The following LACTB2 variants were observed in gnomAD, a reference collection of about 807,000 sequenced individuals.
LACTB2 encodes the protein endoribonuclease LACTB2.
A neutral mutation model predicts 34.8 loss-of-function variants in LACTB2; 32 were observed. The ratio of observed to expected loss-of-function variants is 0.92; its 90% CI spans 0.69 to 1.24. The LOEUF (loss-of-function observed/expected upper bound fraction) is 1.24. Ranked by LOEUF, LACTB2 falls within the 50% of genes most tolerant of loss-of-function variation. The probability of loss-of-function intolerance (pLI) is 0.00; values close to 1 mark genes in which losing one functional copy is unlikely to be tolerated. For synonymous variants in LACTB2, 120 were observed against 117.5 expected (o/e 1.02, Z -0.14); for missense variants, 320 against 345.0 (o/e 0.93, Z 0.57).
At chr8:70,663,456 CACAGTGTTGA>C (rs771689908) in intron 1 of LACTB2, among the ~76,000 whole-genome samples, 11 of 152,198 alleles carry the variant, frequency 7.2e-5, no homozygotes, top group Non-Finnish European at 1.3e-4. Context: ...CCTTCAGAAA[CACAGTGTTGA>C]ACTGTCCTAT....
chr8:70,651,456 G>A (rs1186360502), intron 3 of LACTB2, among the ~76,000 whole-genome samples: 1 of 152,094 alleles, frequency 6.6e-6, no homozygotes, highest in Non-Finnish European at 1.5e-5. Flanking sequence ...TCTTTGTGTG[G>A]CGATGTGTCA....
intron 1 of LACTB2, chr8:70,663,361 C>G (rs948126400): frequency 1.3e-5 from 2 of 152,250 alleles, no homozygotes; most frequent in African/African-American, 4.8e-5. Context: ...CAAAAACAAA[C>G]TGGCCTCTCA....
intron 4 of LACTB2, among the ~76,000 whole-genome samples, chr8:70,641,698 G>A (rs1214264695): frequency 6.6e-6 from 1 of 152,040 alleles, no homozygotes; most frequent in Non-Finnish European, 1.5e-5. Context: ...CTATGTATAG[G>A]CTTCTGTATG....
At chr8:70,652,894 T>C (rs557290194) in intron 3 of LACTB2, 1 of 25,866 alleles carries the variant, frequency 3.9e-5, no homozygotes, top group South Asian at 1.3e-3. Context: ...TGATTACCCA[T>C]GATTCTATGT....
chr8:70,666,022 T>C (rs572062586), intron 1 of LACTB2, among the ~76,000 whole-genome samples: 1 of 152,284 alleles, frequency 6.6e-6, no homozygotes, highest in South Asian at 2.1e-4. Flanking sequence ...TTGGCTTCCA[T>C]GGGCTGATCA....
intron 2 of LACTB2, among the ~76,000 whole-genome samples, chr8:70,658,851 C>T (rs1193916558): frequency 6.6e-6 from 1 of 152,036 alleles, no homozygotes; most frequent in African/African-American, 2.4e-5. Flanking sequence ...ATAGTGAAAC[C>T]CCATCTCTAC....
At chr8:70,659,686 G>C (rs960214883) in intron 2 of LACTB2, among the ~76,000 whole-genome samples, 4 of 152,150 alleles carry the variant, frequency 2.6e-5, no homozygotes, top group Admixed American at 6.5e-5. Context: ...TTCTGCTTAT[G>C]AGACCTTTAG....
At chr8:70,656,773 T>A (rs1349527189) in intron 3 of LACTB2, among the ~76,000 whole-genome samples, 1 of 152,212 alleles carries the variant, frequency 6.6e-6, no homozygotes, top group Non-Finnish European at 1.5e-5. Context: ...CTTTTGCCAG[T>A]ATGGTCATTT....
rs776028056 is a variant in LACTB2 at position 70,661,789 on chromosome 8, G to A, written c.231C>T (p.His77=). 6.2e-7 allele frequency: 1 copy of A among 1,613,686 alleles called. No homozygotes were observed. The highest frequency in any genetic ancestry group is 1.1e-5 in the South Asian group (1 of 91,032). The stretch of plus-strand genomic sequence containing the variant: ...TGCCTCCAGAATGATCTCGGTGCCA[G>A]TGAGTCACTACAATTTCCTGGATTG... The part of the protein sequence containing the change: ...NTAIQEIVVT[H]WHRDHSGGIG... The change falls in exon 2 of 7, where the codon CAC becomes CAT. Residue 77 remains histidine (H), a synonymous_variant. Coordinates refer to ENST00000276590, the MANE Select transcript of LACTB2 (RefSeq NM_016027.3).
intron 3 of LACTB2, among the ~76,000 whole-genome samples, chr8:70,644,681 T>C (rs1316303271): frequency 6.6e-6 from 1 of 152,118 alleles, no homozygotes; most frequent in Non-Finnish European, 1.5e-5. Flanking sequence ...GATCTCACAA[T>C]ATTGACCAGG....
chr8:70,655,253 C>G (rs571179692), intron 3 of LACTB2, among the ~76,000 whole-genome samples: 4 of 145,644 alleles, frequency 2.7e-5, no homozygotes, highest in East Asian at 2.0e-4. Context: ...GAGTTTCACT[C>G]TTGTTGCCCA....
At chr8:70,667,921 T>C (rs1189828667) in intron 1 of LACTB2, among the ~76,000 whole-genome samples, 1 of 152,184 alleles carries the variant, frequency 6.6e-6, no homozygotes, top group Admixed American at 6.5e-5. Flanking sequence ...ATTTACTTGG[T>C]TGAGGGACTT....
chr8:70,665,691 A>T (rs1818527044), intron 1 of LACTB2, among the ~76,000 whole-genome samples: 1 of 152,228 alleles, frequency 6.6e-6, no homozygotes, highest in South Asian at 2.1e-4. Context: ...TTGTATCAGG[A>T]ATCTGAAGCT....
chr8:70,658,860 A>G (rs1006787893), intron 2 of LACTB2, among the ~76,000 whole-genome samples: 29 of 152,152 alleles, frequency 1.9e-4, no homozygotes, highest in Admixed American at 1.6e-3. Flanking sequence ...CCCCATCTCT[A>G]CTAAACATAC....
intron 1 of LACTB2, among the ~76,000 whole-genome samples, chr8:70,666,039 G>A (rs534457089): frequency 2.0e-5 from 3 of 152,282 alleles, no homozygotes; most frequent in Admixed American, 2.0e-4. Flanking sequence ...ATCAGATGAG[G>A]AAGGAAGACC....
chr8:70,666,899 G>A (rs1050904078), intron 1 of LACTB2, among the ~76,000 whole-genome samples: 24 of 152,186 alleles, frequency 1.6e-4, no homozygotes, highest in Admixed American at 1.6e-3. Flanking sequence ...CTGAGTTCCA[G>A]GCAGCAGTGA....
intron 1 of LACTB2, among the ~76,000 whole-genome samples, chr8:70,664,848 G>A (rs1270309674): frequency 5.3e-5 from 8 of 152,022 alleles, no homozygotes; most frequent in Admixed American, 1.3e-4. Context: ...CTTCAGAAAG[G>A]CTAAGTGATT....
At position 70,641,620 on chromosome 8, in the gene LACTB2, A is replaced by G. The variant is rs186358237; in HGVS notation, c.593-570T>C. On this transcript the variant is annotated intron_variant, in intron 4 of 6. Transcript: ENST00000276590. Reference sequence around the variant, plus strand: ...AATACTGCAAAAGGACAATGTAAAAAGCAGTTTCATGTACATGACCAAGCT... The same window carrying G: ...AATACTGCAAAAGGACAATGTAAAAGGCAGTTTCATGTACATGACCAAGCT... 4.6e-5 allele frequency among the ~76,000 whole-genome samples: 7 copies of G among 152,332 alleles called. No homozygotes were observed. In the East Asian group the frequency reaches 1.2e-3, roughly 25 times the overall value.
At chr8:70,644,290 CT>C in intron 3 of LACTB2, 47 bp from the exon 4 acceptor site, 1 of 1,311,976 alleles carries the variant, frequency 7.6e-7, no homozygotes, top group Non-Finnish European at 1.0e-6. Context: ...TGAACTCGAG[CT>C]TAGAAGAAAT....
Sources: gnomAD v4.1 joint callset for allele counts (sites outside exome capture counted in the v4.1 genomes callset) on GRCh38, gnomAD v4.1.1 for gene constraint, MANE v1.5 for transcripts, NCBI Gene and HGNC (gene_info 2026-07-23, HGNC 2026-07-21) for gene names.